DLC1: variants seen among roughly 807,000 people sequenced by gnomAD.
DLC1 encodes DLC1 Rho GTPase activating protein, also known as rho GTPase-activating protein 7.
In DLC1, 54 loss-of-function variants were observed where a neutral mutation model predicts 140.3. The ratio of observed to expected loss-of-function variants is 0.38; its 90% confidence interval spans 0.31 to 0.48. DLC1 has a LOEUF of 0.48. Among genes scored for constraint, DLC1 ranks in the 20% least tolerant of loss-of-function variants. The probability of loss-of-function intolerance (pLI) is 0.96; values close to 1 mark genes in which losing one functional copy is unlikely to be tolerated. For missense variants in DLC1, 2,536 were observed against 1,907.0 expected (o/e 1.33, Z -6.14); for synonymous variants, 986 against 728.1 (o/e 1.35, Z -5.70).
At chr8:13,385,118 G>C (rs537020244) in intron 4 of DLC1, among the ~76,000 whole-genome samples, 1 of 151,944 alleles carries the variant, frequency 6.6e-6, no homozygotes, top group Non-Finnish European at 1.5e-5. Context: ...TGGTGGGAGC[G>C]GCCCTGATTT....
rs768598701 is a variant in DLC1 at position 13,092,626 on chromosome 8, C to A, written c.3726G>T (p.Glu1242Asp). ...SLFHLNTLKR[E>D]NSSPRVMQRK... ...GCAGCCCGTACCTGGGAGAGGAATT[C>A]TCTCTCTTCAGGGTGTTGAGATGGA... The change falls in exon 13 of 18, where the codon GAG (glutamate) becomes GAT (aspartate). Residue 1242 changes from glutamate (E) to aspartate (D), a missense_variant. Physicochemically the swap from Glu to Asp is conservative, Grantham distance 45. Coordinates refer to ENST00000276297, the MANE Select transcript of DLC1 (RefSeq NM_182643.3). 1 of 1,614,092 alleles carries A rather than the reference C, an allele frequency of 6.2e-7. No individual in the cohort carries two copies. Among genetic ancestry groups the A allele is most frequent in the Non-Finnish European group, 8.5e-7 (1 of 1,180,000 alleles).
intron 5 of DLC1, among the ~76,000 whole-genome samples, chr8:13,225,556 T>C (rs1188305): frequency 0.47 from 71,724 of 151,874 alleles, 18,241 homozygotes; most frequent in East Asian, 0.82. Context: ...TTTTCTTACC[T>C]CAAGGCTGAA....
chr8:13,298,648 G>A (rs1329581561), intron 5 of DLC1, among the ~76,000 whole-genome samples: 2 of 152,164 alleles, frequency 1.3e-5, no homozygotes, highest in Non-Finnish European at 2.9e-5. Context: ...CACAGAATAA[G>A]CTCTAAGATT....
At chr8:13,164,393 T>G (rs1178829541) in intron 5 of DLC1, among the ~76,000 whole-genome samples, 3 of 152,074 alleles carry the variant, frequency 2.0e-5, no homozygotes, top group Non-Finnish European at 4.4e-5. Flanking sequence ...TATCTGTGTG[T>G]CAAACAAAAA....
At chr8:13,227,697 C>T (rs151165780) in intron 5 of DLC1, among the ~76,000 whole-genome samples, 1 of 152,088 alleles carries the variant, frequency 6.6e-6, no homozygotes, top group Non-Finnish European at 1.5e-5. Context: ...ATACGTGTTG[C>T]AAGACATGAC....
chr8:13,553,987 G>T (rs560428088), intron 1 of DLC1, among the ~76,000 whole-genome samples: 94 of 151,980 alleles, frequency 6.2e-4, no homozygotes, highest in Middle Eastern at 3.4e-3. Context: ...TTAGTATTCG[G>T]GACTTCTTGT....
At chr8:13,256,687 C>A (rs1830241568) in intron 5 of DLC1, among the ~76,000 whole-genome samples, 1 of 151,992 alleles carries the variant, frequency 6.6e-6, no homozygotes. Flanking sequence ...AACACATGGA[C>A]ACAGGGAGGG....
intron 4 of DLC1, among the ~76,000 whole-genome samples, chr8:13,315,397 C>G (rs1023610606): frequency 6.6e-6 from 1 of 152,216 alleles, no homozygotes. Context: ...ATTGAGATGT[C>G]TATAAACATT....
intron 5 of DLC1, among the ~76,000 whole-genome samples, chr8:13,279,187 C>T (rs971954580): frequency 6.6e-6 from 1 of 152,084 alleles, no homozygotes; most frequent in South Asian, 2.1e-4. Context: ...TGAGGTGATC[C>T]CGACTATGGA....
chr8:13,422,099 G>C (rs879580361), intron 2 of DLC1, among the ~76,000 whole-genome samples: 4 of 152,102 alleles, frequency 2.6e-5, no homozygotes, highest in Non-Finnish European at 4.4e-5. Context: ...TTGAGTCAGA[G>C]AGCTTAAGAA....
chr8:13,363,790 T>C (rs73205704), intron 4 of DLC1, among the ~76,000 whole-genome samples: 19,639 of 152,150 alleles, frequency 0.13, 1,407 homozygotes, highest in Non-Finnish European at 0.16. Flanking sequence ...TATTTGGTGA[T>C]TGCAAAACTG....
chr8:13,537,363 G>GT (rs1266299118), intron 1 of DLC1, among the ~76,000 whole-genome samples: 1 of 152,148 alleles, frequency 6.6e-6, no homozygotes, highest in East Asian at 1.9e-4. Context: ...AACACATAGC[G>GT]TATGACTCTC....
chr8:13,532,838 C>T (rs1026347093), intron 1 of DLC1, among the ~76,000 whole-genome samples: 1 of 152,176 alleles, frequency 6.6e-6, no homozygotes, highest in Non-Finnish European at 1.5e-5. Flanking sequence ...CTCATCCCCC[C>T]ATCTCTAACC....
At chr8:13,596,025 C>A (rs1406797892) in intron 1 of DLC1, among the ~76,000 whole-genome samples, 6 of 152,008 alleles carry the variant, frequency 3.9e-5, no homozygotes, top group Non-Finnish European at 8.8e-5. Context: ...TCTACACTTT[C>A]ACATGATGAG....
chr8:13,349,458 G>C (rs1834533951), intron 4 of DLC1, among the ~76,000 whole-genome samples: 1 of 152,178 alleles, frequency 6.6e-6, no homozygotes, highest in Admixed American at 6.5e-5. Context: ...GGAAGACACA[G>C]AAGTAACACA....
intron 2 of DLC1, among the ~76,000 whole-genome samples, chr8:13,424,506 A>G (rs527962984): frequency 6.6e-6 from 1 of 152,144 alleles, no homozygotes; most frequent in African/African-American, 2.4e-5. Flanking sequence ...AATAATAACA[A>G]TAAAATAAAA....
chr8:13,249,383 G>A (rs1214385182), intron 5 of DLC1, among the ~76,000 whole-genome samples: 1 of 152,072 alleles, frequency 6.6e-6, no homozygotes, highest in African/African-American at 2.4e-5. Context: ...CGGCCACCCT[G>A]ACTCATTTTC....
chr8:13,135,115 G>A lies in DLC1; in HGVS notation c.1349-19458C>T, dbSNP rs561861885. On this transcript the variant is annotated intron_variant, in intron 5 of 17. Coordinates refer to ENST00000276297, the MANE Select transcript of DLC1 (RefSeq NM_182643.3). Reference sequence around the variant, plus strand: ...CCAGCAAGGGGGAGTGTGATTCAACGGGAGGCCAGGAAAGTAAAAGCAAGA... The same window carrying A: ...CCAGCAAGGGGGAGTGTGATTCAACAGGAGGCCAGGAAAGTAAAAGCAAGA... 2.6e-5 allele frequency among the ~76,000 whole-genome samples: 4 copies of A among 152,196 alleles called. No individual in the cohort carries two copies. In the South Asian group the frequency reaches 6.2e-4, roughly 24 times the overall value.
chr8:13,566,354 C>T (rs1230981890), intron 1 of DLC1, among the ~76,000 whole-genome samples: 1 of 150,400 alleles, frequency 6.6e-6, no homozygotes, highest in East Asian at 2.0e-4. Flanking sequence ...TCCCCCGCCC[C>T]TGCTCCCCAC....
Sources: gnomAD v4.1 joint callset for allele counts (sites outside exome capture counted in the v4.1 genomes callset) on GRCh38, gnomAD v4.1.1 for gene constraint, MANE v1.5 for transcripts, NCBI Gene and HGNC (gene_info 2026-07-23, HGNC 2026-07-21) for gene names.